WIPF3: variants seen among roughly 807,000 people sequenced by gnomAD.
The protein encoded by WIPF3 is WAS/WASL interacting protein family member 3, also known as WAS/WASL-interacting protein family member 3.
In WIPF3, 33 loss-of-function variants were observed where a neutral mutation model predicts 38.9. The observed-to-expected ratio is 0.85, with a 90% CI of 0.64 to 1.14. The LOEUF (loss-of-function observed/expected upper bound fraction) is 1.14, where lower values mean the gene tolerates loss of function less well. Ranked by LOEUF, WIPF3 falls within the 50% of genes most tolerant of loss-of-function variation. The probability of loss-of-function intolerance (pLI) is 0.00; values close to 1 mark genes in which losing one functional copy is unlikely to be tolerated. For missense variants in WIPF3, 711 were observed against 652.5 expected (o/e 1.09, Z -0.98); for synonymous variants, 324 against 269.3 (o/e 1.20, Z -1.99).
At chr7:29,846,168 A>G (rs1030217871) in intron 2 of WIPF3, among the ~76,000 whole-genome samples, 6 of 152,262 alleles carry the variant, frequency 3.9e-5, no homozygotes, top group Admixed American at 2.0e-4. Context: ...AAAGCCATAA[A>G]GTATCTTTTG....
intron 6 of WIPF3, among the ~76,000 whole-genome samples, chr7:29,888,486 T>TGC (rs1266458069): frequency 4.5e-4 from 61 of 134,444 alleles, no homozygotes; most frequent in African/African-American, 1.5e-3. Flanking sequence ...ACTGTGTGAG[T>TGC]GTGTGTGCGT....
intron 1 of WIPF3, among the ~76,000 whole-genome samples, chr7:29,817,924 G>A (rs1375188926): frequency 5.3e-5 from 8 of 152,040 alleles, no homozygotes. Context: ...TCCTACCCAA[G>A]ACTATAGTGT....
chr7:29,900,763 A>G (rs1045562051), intron 7 of WIPF3, among the ~76,000 whole-genome samples: 1 of 152,196 alleles, frequency 6.6e-6, no homozygotes, highest in African/African-American at 2.4e-5. Flanking sequence ...AGCAGAAGTA[A>G]AGTGGCCTGC....
rs114031773 is a variant in WIPF3 at position 29,891,326 on chromosome 7, C to T, written c.1351+1919C>T. On this transcript the variant is annotated intron_variant, in intron 7 of 8. Coordinates refer to ENST00000242140, the MANE Select transcript of WIPF3 (RefSeq NM_001080529.3). Reference sequence around the variant, plus strand: ...ACACGGGCCTGCCCTGTGCTCTGGTCGGGGGAAAGTGGGCCTGCCCTGTGC... The same window carrying T: ...ACACGGGCCTGCCCTGTGCTCTGGTTGGGGGAAAGTGGGCCTGCCCTGTGC... Among the ~76,000 whole-genome samples, 687 of 89,494 alleles carry T rather than the reference C, an allele frequency of 7.7e-3. 6 individuals carry two copies. Among genetic ancestry groups the T allele is most frequent in the African/African-American group, 0.029 (668 of 22,968 alleles). The allele number at this position is 89,494 out of a possible 152,430, so 58.7% of individuals were successfully genotyped here.
At chr7:29,904,565 C>A in intron 8 of WIPF3, 1 of 552,680 alleles carries the variant, frequency 1.8e-6, no homozygotes, top group Non-Finnish European at 3.2e-6. Context: ...CAAAAGGGGG[C>A]TTCCCTGGAA....
intron 7 of WIPF3, among the ~76,000 whole-genome samples, chr7:29,890,145 G>A (rs768508475): frequency 1.3e-5 from 2 of 152,030 alleles, no homozygotes; most frequent in East Asian, 1.9e-4. Flanking sequence ...GATCACATGA[G>A]GCCAGGAGTT....
intron 3 of WIPF3, among the ~76,000 whole-genome samples, chr7:29,877,835 T>C (rs1413302178): frequency 1.3e-5 from 2 of 152,212 alleles, no homozygotes; most frequent in African/African-American, 2.4e-5. Context: ...CCCCAAGATA[T>C]CGCATTATGT....
intron 1 of WIPF3, among the ~76,000 whole-genome samples, chr7:29,810,705 T>C (rs914263077): frequency 6.6e-6 from 1 of 152,216 alleles, no homozygotes; most frequent in Non-Finnish European, 1.5e-5. Flanking sequence ...AAATTATTTA[T>C]TCTTTTGTAT....
intron 5 of WIPF3, among the ~76,000 whole-genome samples, chr7:29,885,805 G>A (rs992681144): frequency 1.3e-5 from 2 of 152,160 alleles, no homozygotes; most frequent in Admixed American, 6.5e-5. Context: ...GACAGAGCCA[G>A]ATGCTGCTGT....
chr7:29,882,619 A>C (rs1785744476), intron 4 of WIPF3, among the ~76,000 whole-genome samples: 1 of 152,142 alleles, frequency 6.6e-6, no homozygotes. Flanking sequence ...CCAGTACTTT[A>C]AGTGTATGGC....
At chr7:29,816,487 A>ATTTTTAT (rs35870313) in intron 1 of WIPF3, among the ~76,000 whole-genome samples, 1 of 150,540 alleles carries the variant, frequency 6.6e-6, no homozygotes, top group Non-Finnish European at 1.5e-5. Flanking sequence ...TTTTATTTTT[A>ATTTTTAT]TTTTATTTTA....
rs558351723 is a variant in WIPF3 at position 29,913,914 on chromosome 7, G to A, written c.1429-579G>A. On this transcript the variant is annotated intron_variant, in intron 8 of 8. Transcript: ENST00000242140. ...CCTGAGTCTGGTGGTTTTGATCTCCGCCTGCAAGTCTACTCAAAGTGGATT... is the reference window on the plus strand; with the variant it reads ...CCTGAGTCTGGTGGTTTTGATCTCCACCTGCAAGTCTACTCAAAGTGGATT... 4.7e-4 allele frequency among the ~76,000 whole-genome samples: 72 copies of A among 152,278 alleles called. 1 individual carries two copies. The highest frequency in any genetic ancestry group is 1.0e-3 in the Admixed American group (16 of 15,308).
At chr7:29,884,742 T>C in intron 5 of WIPF3, 149 bp downstream of exon 5, 1 of 1,249,094 alleles carries the variant, frequency 8.0e-7, no homozygotes, top group South Asian at 1.6e-5. Flanking sequence ...ATGCTGCATG[T>C]AAGCAAGGGA....
In WIPF3 at chr7:29,884,525, C is replaced by T. The variant is rs746130389; in HGVS notation, c.1031C>T (p.Ala344Val). The change falls in exon 5 of 9, where the codon GCC becomes GTC. Residue 344 changes from alanine (A) to valine (V), a missense_variant. Transcript: ENST00000242140. Reference sequence around the variant, plus strand: ...CCACCGCAGAAGGCCGGTGCGCAGGCCTTGCCCGCCCCGCCTGCCCCTCCG... The same window carrying T: ...CCACCGCAGAAGGCCGGTGCGCAGGTCTTGCCCGCCCCGCCTGCCCCTCCG... Reference protein sequence around the residue: ...QAPPQKAGAQALPAPPAPPGS... With the variant: ...QAPPQKAGAQVLPAPPAPPGS... 1.9e-6 allele frequency: 3 copies of T among 1,581,798 alleles called. No homozygotes were observed. Among genetic ancestry groups the T allele is most frequent in the Non-Finnish European group, 2.6e-6 (3 of 1,165,746 alleles).
intron 7 of WIPF3, among the ~76,000 whole-genome samples, chr7:29,901,162 C>G (rs1387741353): frequency 1.3e-5 from 2 of 152,146 alleles, no homozygotes; most frequent in African/African-American, 4.8e-5. Context: ...TGATGAGTTA[C>G]AGTATCCCAA....
At chr7:29,852,141 A>G (rs1013736981) in intron 2 of WIPF3, among the ~76,000 whole-genome samples, 1 of 152,158 alleles carries the variant, frequency 6.6e-6, no homozygotes, top group African/African-American at 2.4e-5. Context: ...AGCTGAGACT[A>G]CAGGCACACA....
chr7:29,892,544 G>A (rs1786045514), intron 7 of WIPF3, among the ~76,000 whole-genome samples: 1 of 152,202 alleles, frequency 6.6e-6, no homozygotes, highest in African/African-American at 2.4e-5. Context: ...CACTGTTCTA[G>A]GTGCTTTGCA....
At chr7:29,881,643 C>CTTTT (rs1785719717) in intron 4 of WIPF3, among the ~76,000 whole-genome samples, 1 of 152,070 alleles carries the variant, frequency 6.6e-6, no homozygotes, top group African/African-American at 2.4e-5. Context: ...GCAACCTTGG[C>CTTTT]CTAGAGCTCT....
At chr7:29,815,869 C>T (rs1014392121) in intron 1 of WIPF3, among the ~76,000 whole-genome samples, 1 of 152,140 alleles carries the variant, frequency 6.6e-6, no homozygotes, top group East Asian at 1.9e-4. Flanking sequence ...TCAGTCGCCT[C>T]TAACTTGTGG....
Sources: allele counts gnomAD v4.1 joint callset (sites outside exome capture counted in the v4.1 genomes callset), GRCh38; gene constraint gnomAD v4.1.1; transcripts MANE v1.5; gene names NCBI Gene and HGNC (gene_info 2026-07-23, HGNC 2026-07-21).